Variants in ZDHHC15 observed in about 807,000 individuals in gnomAD.
ZDHHC15 encodes zDHHC palmitoyltransferase 15, also known as palmitoyltransferase ZDHHC15.
In ZDHHC15, 19 loss-of-function variants were observed where a neutral mutation model predicts 31.7. That is an observed-to-expected ratio of 0.60 (90% CI 0.42 to 0.88). The LOEUF (loss-of-function observed/expected upper bound fraction) is 0.88. ZDHHC15 is among the 40% of genes least tolerant of loss of function. ZDHHC15 has a pLI of 0.00. For missense variants in ZDHHC15, 209 were observed against 251.2 expected (o/e 0.83, Z 1.14); for synonymous variants, 103 against 90.0 (o/e 1.14, Z -0.82).
chrX:75,413,247 G>C (rs942048512), intron 10 of ZDHHC15, among the ~76,000 whole-genome samples: 6 of 111,973 alleles, frequency 5.4e-5, no homozygotes, highest in Non-Finnish European at 1.9e-5. Flanking sequence ...CAAATAGAAA[G>C]AAACATTGCT....
intron 10 of ZDHHC15, among the ~76,000 whole-genome samples, chrX:75,409,659 G>A (rs145256670): frequency 0.081 from 8,618 of 106,064 alleles, 384 homozygotes; most frequent in Non-Finnish European, 0.12. Flanking sequence ...GCTGGGCGTG[G>A]TGGCAGGCAC....
intron 3 of ZDHHC15, among the ~76,000 whole-genome samples, chrX:75,460,510 G>T (rs1476451742): frequency 9.1e-6 from 1 of 110,400 alleles, no homozygotes; most frequent in Non-Finnish European, 1.9e-5. Flanking sequence ...CAGGGGTCTC[G>T]AGATACCTCC....
intron 10 of ZDHHC15, among the ~76,000 whole-genome samples, chrX:75,398,209 G>A (rs1009555301): frequency 1.8e-5 from 2 of 112,260 alleles, no homozygotes; most frequent in African/African-American, 3.2e-5. Flanking sequence ...CTGGTGGGAG[G>A]GGCGAGCCAC....
At chrX:75,492,565 A>T (rs2084916827) in intron 2 of ZDHHC15, among the ~76,000 whole-genome samples, 1 of 111,841 alleles carries the variant, frequency 8.9e-6, no homozygotes, top group African/African-American at 3.3e-5. Flanking sequence ...AAAGAACAGA[A>T]ATTATAACAA....
At chrX:75,444,885 C>T (rs1569332839) in intron 4 of ZDHHC15, among the ~76,000 whole-genome samples, 1 of 108,378 alleles carries the variant, frequency 9.2e-6, no homozygotes, top group Non-Finnish European at 1.9e-5. Context: ...CAGACTGGGA[C>T]TTACGTGATC....
At chrX:75,441,812 A>G (rs1023990741) in intron 4 of ZDHHC15, among the ~76,000 whole-genome samples, 14 of 109,054 alleles carry the variant, frequency 1.3e-4, no homozygotes, top group Non-Finnish European at 2.7e-4. Context: ...TTTAGTAGAG[A>G]TGGGGTTTCA....
At chrX:75,456,240 A>C (rs1310370486) in intron 3 of ZDHHC15, among the ~76,000 whole-genome samples, 1 of 110,186 alleles carries the variant, frequency 9.1e-6, no homozygotes, top group Non-Finnish European at 1.9e-5. Flanking sequence ...ATTCTGAGCA[A>C]ACTATCACAA....
intron 1 of ZDHHC15, among the ~76,000 whole-genome samples, chrX:75,506,067 C>A (rs749104870): frequency 3.6e-5 from 4 of 111,862 alleles, no homozygotes; most frequent in Admixed American, 9.6e-5. Flanking sequence ...TTGTCTTAAA[C>A]CTTCAGCAAG....
chrX:75,405,893 C>T (rs984837932), intron 10 of ZDHHC15, among the ~76,000 whole-genome samples: 1 of 112,333 alleles, frequency 8.9e-6, no homozygotes, highest in African/African-American at 3.2e-5. Flanking sequence ...AGAGCATTCT[C>T]TAGAATAGGC....
chrX:75,455,731 G>A (rs1000104179), intron 3 of ZDHHC15, among the ~76,000 whole-genome samples: 2 of 112,245 alleles, frequency 1.8e-5, no homozygotes, highest in Admixed American at 9.5e-5. Context: ...TTCAAAAGAA[G>A]ACATTTATGC....
At position 75,379,124 on chromosome X, in the gene ZDHHC15, C is replaced by G. The variant is rs772727042; in HGVS notation, c.*28G>C. The stretch of plus-strand genomic sequence containing the variant: ...TGTCTCCCTCAGAATACTGACCTGT[C>G]TGAGAGATGCAGGAAATGTGAAAAC... On this transcript the variant is annotated 3_prime_UTR_variant, in exon 11 of 12. Coordinates refer to ENST00000373367, the MANE Select transcript of ZDHHC15 (RefSeq NM_144969.3). The G allele has an allele frequency of 4.1e-6, 5 of 1,208,750 alleles. No individual in the cohort carries two copies. Among genetic ancestry groups the G allele is most frequent in the Non-Finnish European group, 5.6e-6 (5 of 892,908 alleles).
chrX:75,505,724 TG>T, intron 2 of ZDHHC15, 96 bp downstream of exon 2: 1 of 1,003,797 alleles, frequency 1.0e-6, no homozygotes, highest in Non-Finnish European at 1.4e-6. Flanking sequence ...AGTTTATTTC[TG>T]GGAAAATTGC....
chrX:75,389,329 G>A (rs1413214208), intron 10 of ZDHHC15, among the ~76,000 whole-genome samples: 1 of 110,589 alleles, frequency 9.0e-6, no homozygotes, highest in Non-Finnish European at 1.9e-5. Flanking sequence ...TGCTGGGCTC[G>A]AAGCCAGTGA....
At chrX:75,520,100 T>G (rs1196156344) in intron 1 of ZDHHC15, among the ~76,000 whole-genome samples, 1 of 112,218 alleles carries the variant, frequency 8.9e-6, no homozygotes, top group East Asian at 2.8e-4. Context: ...TTATTCTGTC[T>G]GTTCCTCAGT....
chrX:75,467,176 A>G, intron 3 of ZDHHC15, among the ~76,000 whole-genome samples: 1 of 112,910 alleles, frequency 8.9e-6, no homozygotes. Flanking sequence ...AAGAACAGTT[A>G]TACCAGTTAA....
At chrX:75,489,388 C>T (rs1333392596) in intron 2 of ZDHHC15, among the ~76,000 whole-genome samples, 1 of 111,516 alleles carries the variant, frequency 9.0e-6, no homozygotes, top group Non-Finnish European at 1.9e-5. Flanking sequence ...TCCTATGAGA[C>T]AAAACATCCA....
intron 4 of ZDHHC15, among the ~76,000 whole-genome samples, chrX:75,448,182 C>A (rs998922063): frequency 1.8e-5 from 2 of 112,176 alleles, no homozygotes; most frequent in Non-Finnish European, 3.8e-5. Flanking sequence ...TACCATGCCC[C>A]GTGATTAGGT....
chrX:75,390,007 G>A (rs2083223780), intron 10 of ZDHHC15, among the ~76,000 whole-genome samples: 1 of 109,548 alleles, frequency 9.1e-6, no homozygotes, highest in Non-Finnish European at 1.9e-5. Flanking sequence ...GTCCCAGATC[G>A]GACAGGATTC....
At chrX:75,418,173 C>A (rs972015228) in intron 9 of ZDHHC15, among the ~76,000 whole-genome samples, 2 of 111,516 alleles carry the variant, frequency 1.8e-5, no homozygotes, top group African/African-American at 3.3e-5. Flanking sequence ...CAATATTACC[C>A]ACTGACATAG....
Sources: gnomAD v4.1 joint callset for allele counts (sites outside exome capture counted in the v4.1 genomes callset) on GRCh38, gnomAD v4.1.1 for gene constraint, MANE v1.5 for transcripts, NCBI Gene and HGNC (gene_info 2026-07-23, HGNC 2026-07-21) for gene names.